Variants in SLIT2 observed in about 807,000 individuals in gnomAD.
The protein encoded by SLIT2 is slit homolog 2 protein.
Under a neutral mutation model 185.7 loss-of-function variants are expected in SLIT2, and 41 were observed. The observed-to-expected ratio is 0.22, with a 90% CI of 0.17 to 0.29. The LOEUF is 0.29. Among genes scored for constraint, SLIT2 ranks in the 10% least tolerant of loss-of-function variants. The pLI, the probability that SLIT2 is intolerant of heterozygous loss-of-function variation, is 1.00. For synonymous variants in SLIT2, 693 were observed against 680.2 expected (o/e 1.02, Z -0.29); for missense variants, 1,571 against 1,909.0 (o/e 0.82, Z 3.30).
At chr4:20,271,062 T>C (rs557032875) in intron 4 of SLIT2, among the ~76,000 whole-genome samples, 1 of 152,098 alleles carries the variant, frequency 6.6e-6, no homozygotes, top group African/African-American at 2.4e-5. Flanking sequence ...GCTAGTGTAA[T>C]TATGAAAAGC....
intron 12 of SLIT2, among the ~76,000 whole-genome samples, chr4:20,522,082 A>G (rs1485805776): frequency 2.0e-5 from 3 of 152,084 alleles, no homozygotes; most frequent in African/African-American, 7.2e-5. Flanking sequence ...ATGGAGAAAA[A>G]TATTCTTTCT....
intron 4 of SLIT2, among the ~76,000 whole-genome samples, chr4:20,438,227 G>T (rs1347348458): frequency 6.6e-6 from 1 of 152,092 alleles, no homozygotes; most frequent in African/African-American, 2.4e-5. Flanking sequence ...TAACTTTGCA[G>T]TTGCCTCTGT....
At chr4:20,416,435 T>C (rs1381808255) in intron 4 of SLIT2, among the ~76,000 whole-genome samples, 1 of 152,202 alleles carries the variant, frequency 6.6e-6, no homozygotes, top group African/African-American at 2.4e-5. Flanking sequence ...TCCTTAAAGG[T>C]CCTATCACCA....
intron 4 of SLIT2, among the ~76,000 whole-genome samples, chr4:20,283,855 G>A (rs756478395): frequency 6.6e-6 from 1 of 152,076 alleles, no homozygotes; most frequent in Non-Finnish European, 1.5e-5. Context: ...TTCTTAATCA[G>A]TTTTGGCTCC....
chr4:20,497,900 G>A lies in SLIT2; in HGVS notation c.914+6001G>A, dbSNP rs151186968. On this transcript the variant is annotated intron_variant, in intron 9 of 36. Coordinates refer to ENST00000504154, the MANE Select transcript of SLIT2 (RefSeq NM_004787.4). ...AAACAAAACAAAACAAAAAACGGGC[G>A]TGCTGGATCACGCCTGTAATCTCAG... Among the ~76,000 whole-genome samples, 49 of 152,206 alleles carry A rather than the reference G, an allele frequency of 3.2e-4. 1 individual carries two copies. The East Asian group carries it at 4.3e-3, about 13-fold the overall frequency.
intron 5 of SLIT2, among the ~76,000 whole-genome samples, chr4:20,478,043 G>C (rs902539275): frequency 6.6e-6 from 1 of 152,162 alleles, no homozygotes; most frequent in African/African-American, 2.4e-5. Flanking sequence ...AAATTACATT[G>C]TTGCATAGTT....
intron 5 of SLIT2, among the ~76,000 whole-genome samples, chr4:20,473,824 A>G (rs1715819056): frequency 6.6e-6 from 1 of 152,090 alleles, no homozygotes. Context: ...CAGAGAAAAG[A>G]GGGTATGTAA....
chr4:20,446,004 C>G (rs1049564859), intron 4 of SLIT2, among the ~76,000 whole-genome samples: 1 of 152,190 alleles, frequency 6.6e-6, no homozygotes, highest in Non-Finnish European at 1.5e-5. Flanking sequence ...TTCATTTCCT[C>G]TTGTTCATTC....
At chr4:20,429,015 T>G (rs1728763060) in intron 4 of SLIT2, among the ~76,000 whole-genome samples, 1 of 152,176 alleles carries the variant, frequency 6.6e-6, no homozygotes, top group Non-Finnish European at 1.5e-5. Flanking sequence ...TAAGTCCATT[T>G]GCTGTGGTTT....
At chr4:20,494,047 T>C (rs1312149480) in intron 9 of SLIT2, among the ~76,000 whole-genome samples, 1 of 152,240 alleles carries the variant, frequency 6.6e-6, no homozygotes, top group Non-Finnish European at 1.5e-5. Flanking sequence ...TATAAGGATC[T>C]TGGATTTTAT....
At chr4:20,581,973 C>G (rs1560213370) in intron 29 of SLIT2, among the ~76,000 whole-genome samples, 1 of 152,218 alleles carries the variant, frequency 6.6e-6, no homozygotes, top group Non-Finnish European at 1.5e-5. Flanking sequence ...TCTCAAACTC[C>G]TGACCTCAGG....
chr4:20,479,172 C>T (rs1560461307), intron 5 of SLIT2, among the ~76,000 whole-genome samples: 1 of 152,038 alleles, frequency 6.6e-6, no homozygotes, highest in Non-Finnish European at 1.5e-5. Flanking sequence ...ATCAAGGTAG[C>T]CTTGTGTATG....
At chr4:20,418,922 G>A (rs1166956348) in intron 4 of SLIT2, among the ~76,000 whole-genome samples, 7 of 151,952 alleles carry the variant, frequency 4.6e-5, no homozygotes, top group Non-Finnish European at 1.0e-4. Context: ...CTCATCTCCC[G>A]CCCCACAGAA....
chr4:20,310,192 G>T (rs1456739378), intron 4 of SLIT2, among the ~76,000 whole-genome samples: 1 of 151,732 alleles, frequency 6.6e-6, no homozygotes, highest in Non-Finnish European at 1.5e-5. Context: ...GTTTCTCATT[G>T]TACACATGCT....
rs553771756 is a variant in SLIT2, at chr4:20,418,263, G to T, written c.396-49489G>T. ...AAGTTATACATGGTTAGATAAAATG[G>T]TCTATGAAAGTCCTGGGTGGTGATG... On this transcript the variant is annotated intron_variant, in intron 4 of 36. Transcript: ENST00000504154. Among the ~76,000 whole-genome samples, 4 of 152,270 alleles carry T rather than the reference G, an allele frequency of 2.6e-5. No individual in the cohort carries two copies. In the East Asian group the frequency reaches 7.7e-4, roughly 29 times the overall value.
At chr4:20,548,646 A>G in intron 23 of SLIT2, 87 bp downstream of exon 23, 1 of 788,168 alleles carries the variant, frequency 1.3e-6, no homozygotes. Flanking sequence ...ATTGAACAAG[A>G]CAGTCTCTAC....
intron 11 of SLIT2, among the ~76,000 whole-genome samples, chr4:20,511,587 A>ATTTTTTTTT (rs759622666): frequency 1.2e-3 from 102 of 82,140 alleles, no homozygotes; most frequent in Non-Finnish European, 1.4e-3. Context: ...CATCCAGCTA[A>ATTTTTTTTT]TTTTTTTTTT....
chr4:20,348,736 C>G (rs1721639933), intron 4 of SLIT2, among the ~76,000 whole-genome samples: 1 of 152,180 alleles, frequency 6.6e-6, no homozygotes, highest in Admixed American at 6.5e-5. Flanking sequence ...GTTCGTTTGT[C>G]AACGTCTTGA....
In SLIT2 at chr4:20,617,457, C is replaced by T. The variant is rs1729755479; in HGVS notation, c.4155C>T (p.Cys1385=). Residue 1385 remains cysteine, a synonymous_variant, in exon 36 of 37, where the codon TGC becomes TGT. Transcript: ENST00000504154. ...CCTGTAGATGCGTACATGGCACCTG[C>T]TTGCCCATCAATGCGTTCTCCTACA... ...CLGNKCVHGT[C]LPINAFSYSC... is the part of the protein sequence containing the mutation. The T allele has an allele frequency of 1.2e-6, 2 of 1,614,014 alleles. No homozygotes were observed. Among genetic ancestry groups the T allele is most frequent in the Non-Finnish European group, 1.7e-6 (2 of 1,180,004 alleles).
Sources: allele counts gnomAD v4.1 joint callset (sites outside exome capture counted in the v4.1 genomes callset), GRCh38; gene constraint gnomAD v4.1.1; transcripts MANE v1.5; gene names NCBI Gene and HGNC (gene_info 2026-07-23, HGNC 2026-07-21).